The following FAM193A variants were observed in gnomAD, a reference collection of about 807,000 sequenced individuals.
FAM193A encodes the protein protein FAM193A.
A neutral mutation model predicts 126.5 loss-of-function variants in FAM193A; 22 were observed. That is an observed-to-expected ratio of 0.17 (90% CI 0.12 to 0.25). FAM193A has a LOEUF of 0.25. Among genes scored for constraint, FAM193A ranks in the 10% least tolerant of loss-of-function variants. FAM193A has a pLI of 1.00. For missense variants in FAM193A, 1,675 were observed against 1,672.8 expected (o/e 1.00, Z -0.02); for synonymous variants, 761 against 646.8 (o/e 1.18, Z -2.68).
intron 19 of FAM193A, among the ~76,000 whole-genome samples, chr4:2,713,897 T>G (rs1719264663): frequency 6.6e-6 from 1 of 152,194 alleles, no homozygotes; most frequent in South Asian, 2.1e-4. Context: ...TCAACTGATT[T>G]CTCCTGTTTA....
intron 13 of FAM193A, among the ~76,000 whole-genome samples, chr4:2,688,132 C>T (rs530572138): frequency 6.6e-6 from 1 of 152,270 alleles, no homozygotes; most frequent in Admixed American, 6.5e-5. Context: ...GAGGGAGAAC[C>T]GTATGTCTGC....
chr4:2,617,453 G>C (rs186091937), intron 2 of FAM193A, among the ~76,000 whole-genome samples: 29 of 148,558 alleles, frequency 2.0e-4, no homozygotes, highest in Admixed American at 9.4e-4. Flanking sequence ...TTTAGTAGAG[G>C]CGGGGTTTCA....
chr4:2,544,179 C>T (rs1363219678), intron 1 of FAM193A, among the ~76,000 whole-genome samples: 2 of 152,196 alleles, frequency 1.3e-5, no homozygotes, highest in Non-Finnish European at 2.9e-5. Flanking sequence ...GGTTACCATA[C>T]ACGCTTTAGA....
rs764951211 is a variant in FAM193A at position 2,659,869 on chromosome 4, C to T, written c.1560C>T (p.Pro520=). The change falls in exon 10 of 21, where the codon CCC becomes CCT. Residue 520 remains proline, a synonymous_variant. Transcript: ENST00000637812. ...TCCTCACGTGTGGTATCATGGACCC[C>T]CCCGTCACTGATGACATCCACATTC... ...SHILTCGIMD[P]PVTDDIHIHQ... The T allele has an allele frequency of 1.2e-6, 2 of 1,614,070 alleles. No individual in the cohort carries two copies. Among genetic ancestry groups the T allele is most frequent in the South Asian group, 2.2e-5 (2 of 91,074 alleles).
intron 19 of FAM193A, among the ~76,000 whole-genome samples, chr4:2,703,596 G>A (rs767903919): frequency 2.0e-5 from 3 of 152,048 alleles, no homozygotes; most frequent in Non-Finnish European, 4.4e-5. Flanking sequence ...AAGTACTTGT[G>A]TGCATATGTG....
At chr4:2,562,791 A>G (rs923889633) in intron 1 of FAM193A, among the ~76,000 whole-genome samples, 3 of 151,466 alleles carry the variant, frequency 2.0e-5, no homozygotes, top group East Asian at 1.9e-4. Flanking sequence ...CACCATGCCC[A>G]GCTAATTTTT....
At chr4:2,607,374 C>A (rs1202652464) in intron 2 of FAM193A, among the ~76,000 whole-genome samples, 2 of 152,010 alleles carry the variant, frequency 1.3e-5, no homozygotes, top group Non-Finnish European at 2.9e-5. Context: ...TTGTTTTTTT[C>A]CCTGTCAGTG....
intron 2 of FAM193A, among the ~76,000 whole-genome samples, chr4:2,622,165 G>C (rs1742583938): frequency 6.8e-6 from 1 of 146,494 alleles, no homozygotes. Context: ...GCTGAGGTGA[G>C]ACGATTGCTT....
chr4:2,714,529 T>C (rs1339232105), intron 19 of FAM193A, among the ~76,000 whole-genome samples: 2 of 152,112 alleles, frequency 1.3e-5, no homozygotes, highest in Non-Finnish European at 2.9e-5. Context: ...GTGGCACCAG[T>C]GATTGTGGCC....
At chr4:2,560,867 C>G (rs942666536) in intron 1 of FAM193A, among the ~76,000 whole-genome samples, 3 of 152,142 alleles carry the variant, frequency 2.0e-5, no homozygotes, top group African/African-American at 7.2e-5. Flanking sequence ...AGGCTGGTCT[C>G]GAACTCCTGG....
chr4:2,731,939 G>T lies in FAM193A; in HGVS notation c.*71G>T. 2 of 1,183,724 alleles carry T rather than the reference G, an allele frequency of 1.7e-6. No homozygotes were observed. The highest frequency in any genetic ancestry group is 2.5e-6 in the Non-Finnish European group (2 of 793,356). 73.3% of individuals were successfully genotyped at this position (1,183,724 alleles called of 1,614,324 possible). On this transcript the variant is annotated 3_prime_UTR_variant, in exon 21 of 21. Transcript: ENST00000637812. Reference sequence around the variant, plus strand: ...CACCACCCCAAGAGCCACGCCCCTCGCTGGCGCCCCAGAGCCGTGGTGCTT... The same window carrying T: ...CACCACCCCAAGAGCCACGCCCCTCTCTGGCGCCCCAGAGCCGTGGTGCTT...
chr4:2,701,068 C>T (rs1215588179), intron 19 of FAM193A, among the ~76,000 whole-genome samples: 3 of 150,494 alleles, frequency 2.0e-5, no homozygotes, highest in Non-Finnish European at 4.4e-5. Context: ...TCTCTCTCTC[C>T]CTCTCTCTCT....
At chr4:2,549,083 C>T (rs944130937) in intron 1 of FAM193A, among the ~76,000 whole-genome samples, 13 of 150,194 alleles carry the variant, frequency 8.7e-5, no homozygotes, top group African/African-American at 1.5e-4. Flanking sequence ...AATTAACAGG[C>T]GTGTGCCATC....
At chr4:2,590,268 G>A (rs187301558) in intron 1 of FAM193A, among the ~76,000 whole-genome samples, 105 of 151,026 alleles carry the variant, frequency 7.0e-4, no homozygotes, top group African/African-American at 2.3e-3. Context: ...TCAGGAGATC[G>A]AGACCATCCT....
intron 7 of FAM193A, among the ~76,000 whole-genome samples, chr4:2,653,034 A>G (rs1745825800): frequency 6.6e-6 from 1 of 152,182 alleles, no homozygotes; most frequent in South Asian, 2.1e-4. Context: ...GTAGCATAAC[A>G]TCCTGCCCCT....
chr4:2,614,836 T>C (rs1742087241), intron 2 of FAM193A, among the ~76,000 whole-genome samples: 1 of 152,222 alleles, frequency 6.6e-6, no homozygotes, highest in Admixed American at 6.5e-5. Flanking sequence ...TTTTTGTCTT[T>C]AAGGAAATTT....
At chr4:2,687,121 G>T (rs1283999321) in intron 13 of FAM193A, among the ~76,000 whole-genome samples, 1 of 152,040 alleles carries the variant, frequency 6.6e-6, no homozygotes, top group Non-Finnish European at 1.5e-5. Context: ...CAGGTCAGTG[G>T]ACTCGCTGAG....
chr4:2,617,823 T>G (rs1742303621), intron 2 of FAM193A, among the ~76,000 whole-genome samples: 1 of 152,178 alleles, frequency 6.6e-6, no homozygotes, highest in South Asian at 2.1e-4. Flanking sequence ...TTCCCTTTCT[T>G]TAAATAGCGA....
intron 2 of FAM193A, among the ~76,000 whole-genome samples, chr4:2,603,695 G>A (rs557337020): frequency 4.0e-5 from 6 of 151,496 alleles, no homozygotes; most frequent in African/African-American, 7.3e-5. Context: ...TCCTGACCTC[G>A]TGATCTGCCC....
Sources: gnomAD v4.1 joint callset for allele counts (sites outside exome capture counted in the v4.1 genomes callset) on GRCh38, gnomAD v4.1.1 for gene constraint, MANE v1.5 for transcripts, NCBI Gene and HGNC (gene_info 2026-07-23, HGNC 2026-07-21) for gene names.